Variants in RMND1 observed in about 807,000 individuals in gnomAD.
RMND1 encodes the protein required for meiotic nuclear division 1 homolog, also known as required for meiotic nuclear division protein 1 homolog.
In RMND1, 41 loss-of-function variants were observed where a neutral mutation model predicts 54.0. The observed-to-expected ratio is 0.76, with a 90% CI of 0.59 to 0.98. The LOEUF (loss-of-function observed/expected upper bound fraction) is 0.98. Ranked by LOEUF, RMND1 falls within the 50% of genes least tolerant of loss-of-function variation. The pLI, the probability that RMND1 is intolerant of heterozygous loss-of-function variation, is 0.00. For synonymous variants in RMND1, 183 were observed against 181.7 expected, an observed-to-expected ratio of 1.01 and a Z score of -0.06; for missense variants, 457 against 532.0, an observed-to-expected ratio of 0.86 and a Z score of 1.39.
Position 151,417,260 on chromosome 6 carries a change from A to G in RMND1, c.1200+19T>C. 1 of 1,595,850 alleles carries G rather than the reference A, an allele frequency of 6.3e-7. No individual in the cohort carries two copies. Reference sequence around the variant, plus strand: ...CGACAACGTGTCTTTTTCTCTCATTAGAAGTGCAAAATACGTACCTTAACT... The same window carrying G: ...CGACAACGTGTCTTTTTCTCTCATTGGAAGTGCAAAATACGTACCTTAACT... On this transcript the variant is annotated intron_variant, in intron 10 of 11. Coordinates refer to ENST00000444024, the MANE Select transcript of RMND1 (RefSeq NM_017909.4).
intron 2 of RMND1, among the ~76,000 whole-genome samples, chr6:151,439,181 T>C (rs1332052726): frequency 6.6e-6 from 1 of 152,220 alleles, no homozygotes; most frequent in African/African-American, 2.4e-5. Context: ...TATACAGTGA[T>C]GTATTAACTA....
At chr6:151,444,211 C>T (rs1241396973) in intron 2 of RMND1, among the ~76,000 whole-genome samples, 1 of 152,176 alleles carries the variant, frequency 6.6e-6, no homozygotes, top group Admixed American at 6.5e-5. Flanking sequence ...TGAGCTTTCT[C>T]TTTTTTGGAG....
intron 10 of RMND1, among the ~76,000 whole-genome samples, chr6:151,406,146 CATA>C (rs772820442): frequency 6.6e-5 from 10 of 152,118 alleles, no homozygotes; most frequent in African/African-American, 1.9e-4. Context: ...AAACTTGAAA[CATA>C]ATGTTTTTTA....
Position 151,417,369 on chromosome 6 carries a change from CA to C in RMND1, c.1109del (p.Leu370ArgfsTer33). 1 of 1,611,074 alleles carries C rather than the reference CA, an allele frequency of 6.2e-7. No individual in the cohort carries two copies. The highest frequency in any genetic ancestry group is 8.5e-7 in the Non-Finnish European group (1 of 1,178,590). On this transcript the variant is annotated frameshift_variant, in exon 10 of 12. Coordinates refer to ENST00000444024, the MANE Select transcript of RMND1 (RefSeq NM_017909.4). LOFTEE classifies it high-confidence loss of function. ...RHRINLSSDF[L>X]ITPDFYWDRE... ...TGTCCCAGTAGAAATCAGGAGTAAT[CA>C]GGAAGTCTGAACTCAAGTTTATACG...
intron 2 of RMND1, among the ~76,000 whole-genome samples, chr6:151,443,195 CTT>C (rs1288006780): frequency 1.3e-5 from 2 of 152,156 alleles, no homozygotes; most frequent in Non-Finnish European, 2.9e-5. Flanking sequence ...GAAAGTCAGT[CTT>C]TGGTCCTGGG....
intron 2 of RMND1, chr6:151,444,442 A>G (rs928835893): frequency 2.6e-5 from 4 of 152,166 alleles, no homozygotes; most frequent in African/African-American, 9.7e-5. Context: ...GAATCAGAGG[A>G]TGAGTAAAGG....
intron 3 of RMND1, among the ~76,000 whole-genome samples, chr6:151,434,386 T>C (rs1361867324): frequency 6.6e-6 from 1 of 151,540 alleles, no homozygotes; most frequent in Non-Finnish European, 1.5e-5. Flanking sequence ...TGATGGGCAA[T>C]TCAGACACAG....
At chr6:151,425,944 C>T (rs1024802467) in intron 6 of RMND1, among the ~76,000 whole-genome samples, 7 of 130,800 alleles carry the variant, frequency 5.4e-5, no homozygotes, top group African/African-American at 2.0e-4. Flanking sequence ...CTGCTTTTAA[C>T]GCTTTTTTTT....
At chr6:151,446,541 T>A (rs1160183115) in intron 1 of RMND1, among the ~76,000 whole-genome samples, 1 of 152,060 alleles carries the variant, frequency 6.6e-6, no homozygotes, top group African/African-American at 2.4e-5. Context: ...GATACACACA[T>A]GAACATTCCA....
At chr6:151,432,768 G>GA (rs907280599) in intron 4 of RMND1, among the ~76,000 whole-genome samples, 2 of 151,722 alleles carry the variant, frequency 1.3e-5, no homozygotes, top group Non-Finnish European at 2.9e-5. Context: ...GGGGAAGGGA[G>GA]AAAAAAAAGA....
intron 1 of RMND1, among the ~76,000 whole-genome samples, chr6:151,450,223 C>T (rs867819715): frequency 2.6e-5 from 4 of 151,724 alleles, no homozygotes; most frequent in African/African-American, 9.7e-5. Flanking sequence ...TGCCCGGCCG[C>T]CCATCGTCTG....
chr6:151,407,953 TTATTTAGG>T (rs1779686046), intron 10 of RMND1, among the ~76,000 whole-genome samples: 2 of 151,744 alleles, frequency 1.3e-5, no homozygotes, highest in Admixed American at 6.6e-5. Context: ...TGCTTTCTAT[TTATTTAGG>T]TATAGAGGCA....
chr6:151,429,956 G>A (rs1278536956), intron 5 of RMND1, among the ~76,000 whole-genome samples, 182 bp downstream of exon 5: 1 of 152,108 alleles, frequency 6.6e-6, no homozygotes, highest in African/African-American at 2.4e-5. Flanking sequence ...GAAAAAGCAG[G>A]AAATCTTAAC....
chr6:151,434,035 G>C (rs1012089061), intron 3 of RMND1, among the ~76,000 whole-genome samples: 1 of 148,918 alleles, frequency 6.7e-6, no homozygotes, highest in Admixed American at 6.9e-5. Context: ...GTTTTGTAGA[G>C]ATGAGGTCTC....
chr6:151,434,934 C>T (rs1183557088), intron 3 of RMND1, among the ~76,000 whole-genome samples: 3 of 152,080 alleles, frequency 2.0e-5, no homozygotes, highest in African/African-American at 7.2e-5. Context: ...TTGCAACCTC[C>T]ACCTCCCAGG....
At chr6:151,430,277 C>A in intron 4 of RMND1, 100 bp from the exon 5 acceptor site, 1 of 778,654 alleles carries the variant, frequency 1.3e-6, no homozygotes, top group South Asian at 1.8e-5. Context: ...ATACAGGATG[C>A]GATTTTTCAA....
At chr6:151,441,774 C>T (rs1263386060) in intron 2 of RMND1, among the ~76,000 whole-genome samples, 1 of 152,146 alleles carries the variant, frequency 6.6e-6, no homozygotes, top group Non-Finnish European at 1.5e-5. Context: ...CTCTGTGCAC[C>T]TCTACATCTG....
At chr6:151,405,329 C>T in intron 11 of RMND1, 62 bp from the exon 12 acceptor site, 2 of 1,436,718 alleles carry the variant, frequency 1.4e-6, no homozygotes, top group Non-Finnish European at 2.0e-6. Flanking sequence ...ACTAAAATGA[C>T]TTCCAAGATT....
chr6:151,422,961 C>T (rs1780198191), intron 7 of RMND1, among the ~76,000 whole-genome samples: 1 of 152,154 alleles, frequency 6.6e-6, no homozygotes, highest in African/African-American at 2.4e-5. Flanking sequence ...CTTCACTCCT[C>T]AGGACTAAGA....
Sources: gnomAD v4.1 joint callset for allele counts (sites outside exome capture counted in the v4.1 genomes callset) on GRCh38, gnomAD v4.1.1 for gene constraint, MANE v1.5 for transcripts, NCBI Gene and HGNC (gene_info 2026-07-23, HGNC 2026-07-21) for gene names.